TAFA2: variants seen among roughly 807,000 people sequenced by gnomAD.
The protein encoded by TAFA2 is TAFA chemokine like family member 2, also known as chemokine-like protein TAFA-2.
TAFA2 carries 7 observed loss-of-function variants against 18.8 expected under a neutral mutation model. The observed-to-expected ratio is 0.37, with a 90% CI of 0.21 to 0.70. The LOEUF is 0.70. Ranked by LOEUF, TAFA2 falls within the 30% of genes least tolerant of loss-of-function variation. The pLI, the probability that TAFA2 is intolerant of heterozygous loss-of-function variation, is 0.53. For missense variants in TAFA2, 122 were observed against 158.1 expected, an observed-to-expected ratio of 0.77 and a Z score of 1.23; for synonymous variants, 60 against 54.2, an observed-to-expected ratio of 1.11 and a Z score of -0.47.
intron 1 of TAFA2, among the ~76,000 whole-genome samples, chr12:62,246,469 C>G (rs892312877): frequency 6.6e-6 from 1 of 152,120 alleles, no homozygotes; most frequent in Non-Finnish European, 1.5e-5. Flanking sequence ...TTTGAAATAA[C>G]CTATATTCTT....
intron 1 of TAFA2, among the ~76,000 whole-genome samples, chr12:61,893,462 T>C (rs1316870022): frequency 1.3e-5 from 2 of 152,034 alleles, no homozygotes; most frequent in Non-Finnish European, 2.9e-5. Flanking sequence ...TACAGGACGA[T>C]GTGTGTGTGA....
intron 1 of TAFA2, among the ~76,000 whole-genome samples, chr12:62,096,060 T>G (rs1042479656): frequency 6.6e-6 from 1 of 152,158 alleles, no homozygotes; most frequent in Non-Finnish European, 1.5e-5. Flanking sequence ...ACATTACCAT[T>G]TCCCATTACC....
chr12:62,242,057 T>C (rs1169795183), intron 1 of TAFA2, among the ~76,000 whole-genome samples: 1 of 152,122 alleles, frequency 6.6e-6, no homozygotes, highest in East Asian at 1.9e-4. Flanking sequence ...ATAAAGAGAA[T>C]TCTAAGAATG....
At chr12:62,176,858 T>C (rs181773970) in intron 1 of TAFA2, among the ~76,000 whole-genome samples, 1 of 152,370 alleles carries the variant, frequency 6.6e-6, no homozygotes, top group Admixed American at 6.5e-5. Flanking sequence ...TCTAATGTTC[T>C]AATGGTATGA....
chr12:61,956,079 T>G (rs892482427), intron 1 of TAFA2, among the ~76,000 whole-genome samples: 2 of 152,136 alleles, frequency 1.3e-5, no homozygotes, highest in African/African-American at 4.8e-5. Context: ...CACAAATGTA[T>G]GCATACTAGC....
chr12:61,901,639 C>G (rs1876105049), intron 1 of TAFA2, among the ~76,000 whole-genome samples: 1 of 151,686 alleles, frequency 6.6e-6, no homozygotes, highest in African/African-American at 2.4e-5. Flanking sequence ...AGCATTAGTA[C>G]TTGGCCTGTA....
At chr12:61,730,133 G>A (rs1592349912) in intron 4 of TAFA2, among the ~76,000 whole-genome samples, 2 of 152,108 alleles carry the variant, frequency 1.3e-5, no homozygotes, top group African/African-American at 4.8e-5. Context: ...TGTAGCAAGG[G>A]AGTGAATTAA....
chr12:62,196,019 T>G (rs1365636626), upstream of TAFA2, among the ~76,000 whole-genome samples: 2 of 152,226 alleles, frequency 1.3e-5, no homozygotes, highest in Admixed American at 1.3e-4. Context: ...TAGCTAGATC[T>G]TCTGGATAAC....
At chr12:61,794,114 G>A (rs542182528) in intron 2 of TAFA2, among the ~76,000 whole-genome samples, 6 of 151,988 alleles carry the variant, frequency 3.9e-5, no homozygotes, top group Non-Finnish European at 5.9e-5. Flanking sequence ...CTGAGAGACT[G>A]AACATTTTTT....
intron 1 of TAFA2, among the ~76,000 whole-genome samples, chr12:62,168,244 A>G (rs929896256): frequency 6.6e-6 from 1 of 152,206 alleles, no homozygotes; most frequent in Non-Finnish European, 1.5e-5. Context: ...ACCCATCACT[A>G]ATTAATAGAT....
intron 4 of TAFA2, among the ~76,000 whole-genome samples, chr12:61,735,139 A>T (rs2120673035): frequency 6.6e-6 from 1 of 152,162 alleles, no homozygotes; most frequent in African/African-American, 2.4e-5. Flanking sequence ...GCAGGAAGTC[A>T]TTTATGTGGT....
intron 1 of TAFA2, among the ~76,000 whole-genome samples, chr12:61,893,071 A>G (rs545776613): frequency 3.3e-5 from 5 of 152,230 alleles, no homozygotes; most frequent in Non-Finnish European, 7.3e-5. Flanking sequence ...GAACAGAGGA[A>G]AAAAGAGGTA....
chr12:62,014,480 AAATTAGCCGGGCATATTG>A (rs1040729266), intron 1 of TAFA2, among the ~76,000 whole-genome samples: 5 of 152,060 alleles, frequency 3.3e-5, no homozygotes, highest in African/African-American at 1.2e-4. Context: ...AAAAATACAA[AAATTAGCCGGGCATATTG>A]GTGCATACCT....
intron 2 of TAFA2, among the ~76,000 whole-genome samples, chr12:61,827,541 G>A (rs1171405562): frequency 6.6e-6 from 1 of 151,864 alleles, no homozygotes; most frequent in Non-Finnish European, 1.5e-5. Flanking sequence ...GTAACATTTA[G>A]TCTGGCGTTC....
At chr12:62,155,532 C>A (rs191903722) in intron 1 of TAFA2, among the ~76,000 whole-genome samples, 1 of 152,144 alleles carries the variant, frequency 6.6e-6, no homozygotes, top group Admixed American at 6.5e-5. Flanking sequence ...ATCACACTAC[C>A]TGACTTCAAA....
At chr12:61,958,508 G>A (rs1259898643) in intron 1 of TAFA2, among the ~76,000 whole-genome samples, 1 of 151,408 alleles carries the variant, frequency 6.6e-6, no homozygotes, top group Non-Finnish European at 1.5e-5. Context: ...TTTAATTTCT[G>A]CTATTCTAGT....
chr12:62,153,574 G>C (rs1326985518), intron 1 of TAFA2, among the ~76,000 whole-genome samples: 1 of 152,068 alleles, frequency 6.6e-6, no homozygotes, highest in Non-Finnish European at 1.5e-5. Flanking sequence ...GGAGGCTGAG[G>C]CAGGAGGACC....
At chr12:62,017,666 A>G (rs953680193) in intron 1 of TAFA2, among the ~76,000 whole-genome samples, 22 of 152,172 alleles carry the variant, frequency 1.4e-4, no homozygotes, top group African/African-American at 5.1e-4. Context: ...TGAAAAATAT[A>G]ACTTTCTACA....
At chr12:61,875,932 A>G (rs1323392472) in intron 1 of TAFA2, among the ~76,000 whole-genome samples, 1 of 152,104 alleles carries the variant, frequency 6.6e-6, no homozygotes, top group Non-Finnish European at 1.5e-5. Flanking sequence ...GTGGAGGACC[A>G]TTATATAGAA....
Sources: allele counts gnomAD v4.1 joint callset (sites outside exome capture counted in the v4.1 genomes callset), GRCh38; gene constraint gnomAD v4.1.1; transcripts MANE v1.5; gene names NCBI Gene and HGNC (gene_info 2026-07-23, HGNC 2026-07-21).